The following PPP2R5E variants were observed in gnomAD, a reference collection of about 807,000 sequenced individuals.
PPP2R5E encodes the protein serine/threonine-protein phosphatase 2A 56 kDa regulatory subunit epsilon isoform.
In PPP2R5E, 4 loss-of-function variants were observed where a neutral mutation model predicts 65.3. The observed-to-expected ratio is 0.06, with a 90% CI of 0.03 to 0.14. The LOEUF (loss-of-function observed/expected upper bound fraction) is 0.14, where lower values mean the gene tolerates loss of function less well. Ranked by LOEUF, PPP2R5E falls within the 10% of genes least tolerant of loss-of-function variation. The pLI is 1.00. For synonymous variants in PPP2R5E, 183 were observed against 187.4 expected, an observed-to-expected ratio of 0.98 and a Z score of 0.19; for missense variants, 274 against 556.1, an observed-to-expected ratio of 0.49 and a Z score of 5.10.
chr14:63,461,926 T>C (rs1035502939), intron 2 of PPP2R5E, among the ~76,000 whole-genome samples: 3 of 152,082 alleles, frequency 2.0e-5, no homozygotes, highest in African/African-American at 7.3e-5. Context: ...TCTCTTCTTA[T>C]TTTTCACTTT....
Position 63,486,293 on chromosome 14 carries a change from TACAC to T in PPP2R5E, c.158-32412_158-32409del, listed in dbSNP as rs374427574. On this transcript the variant is annotated intron_variant, in intron 2 of 13. Coordinates refer to ENST00000337537, the MANE Select transcript of PPP2R5E (RefSeq NM_006246.5). The stretch of plus-strand genomic sequence containing the variant: ...ACCCCACCCATCTTTCTTTCCCCAT[TACAC>T]ACACACACACACACACACACACACA... Among the ~76,000 whole-genome samples the T allele has an allele frequency of 3.5e-3, 451 of 128,002 alleles. 1 individual carries two copies. Among genetic ancestry groups the T allele is most frequent in the Non-Finnish European group, 5.0e-3 (311 of 61,642 alleles). 84.0% of individuals were successfully genotyped at this position (128,002 alleles called of 152,430 possible).
Position 63,467,238 on chromosome 14 carries a change from AC to A in PPP2R5E, c.158-13354del, listed in dbSNP as rs57218910. ...ACTCCGTCTCAAAAAAAACAAACAAACAAACAAAAAAAACACTATTTACAAC... is the reference window on the plus strand; with the variant it reads ...ACTCCGTCTCAAAAAAAACAAACAAAAAACAAAAAAAACACTATTTACAAC... On this transcript the variant is annotated intron_variant, in intron 2 of 13. Coordinates refer to ENST00000337537, the MANE Select transcript of PPP2R5E (RefSeq NM_006246.5). 4.4e-4 allele frequency among the ~76,000 whole-genome samples: 58 copies of A among 132,152 alleles called. 6 individuals carry two copies. The highest frequency in any genetic ancestry group is 1.2e-3 in the African/African-American group (32 of 26,308). The allele number at this position is 132,152 out of a possible 152,430, so 86.7% of individuals were successfully genotyped here. A position where few individuals can be genotyped will look rare whatever the true frequency, so the allele number is the denominator to read the frequency against.
chr14:63,468,109 G>A (rs1475256631), intron 2 of PPP2R5E, among the ~76,000 whole-genome samples: 2 of 152,216 alleles, frequency 1.3e-5, no homozygotes, highest in Non-Finnish European at 2.9e-5. Context: ...TAATGTTGTT[G>A]TTAAAAAGCA....
At chr14:63,516,050 C>T (rs955154640) in intron 2 of PPP2R5E, among the ~76,000 whole-genome samples, 2 of 151,832 alleles carry the variant, frequency 1.3e-5, no homozygotes, top group African/African-American at 4.8e-5. Flanking sequence ...GGGCTTTCAC[C>T]ATGTTAGCCA....
intron 2 of PPP2R5E, among the ~76,000 whole-genome samples, chr14:63,486,293 TACACACACACACACACACACAC>T (rs374427574): frequency 2.2e-4 from 28 of 128,050 alleles, no homozygotes; most frequent in African/African-American, 8.8e-4. Context: ...CTTTCCCCAT[TACACACACACACACACACACAC>T]ACACACACAC....
At chr14:63,502,251 C>T (rs969277681) in intron 2 of PPP2R5E, among the ~76,000 whole-genome samples, 18 of 152,250 alleles carry the variant, frequency 1.2e-4, no homozygotes, top group Admixed American at 3.9e-4. Flanking sequence ...GGGCACCAGA[C>T]TTAGAGGCAG....
chr14:63,522,421 G>C (rs1272217214), intron 2 of PPP2R5E, among the ~76,000 whole-genome samples: 44 of 148,716 alleles, frequency 3.0e-4, no homozygotes, highest in Admixed American at 7.3e-4. Context: ...TGGGACGTGA[G>C]GAGCCCCTCT....
intron 2 of PPP2R5E, among the ~76,000 whole-genome samples, chr14:63,535,153 A>C (rs556390045): frequency 6.6e-6 from 1 of 152,104 alleles, no homozygotes; most frequent in South Asian, 2.1e-4. Flanking sequence ...GGCTGGGCGC[A>C]GTGACTGACG....
chr14:63,462,736 A>C (rs1431573714), intron 2 of PPP2R5E, among the ~76,000 whole-genome samples: 1 of 152,174 alleles, frequency 6.6e-6, no homozygotes, highest in Non-Finnish European at 1.5e-5. Context: ...GCTTGATATA[A>C]TGTATTTAAT....
intron 2 of PPP2R5E, among the ~76,000 whole-genome samples, chr14:63,498,436 A>G (rs889809252): frequency 2.0e-5 from 3 of 151,902 alleles, no homozygotes; most frequent in African/African-American, 7.2e-5. Flanking sequence ...TTAGAAAAGG[A>G]TGTTTTTCAA....
chr14:63,462,801 T>C (rs61652131), intron 2 of PPP2R5E, among the ~76,000 whole-genome samples: 5,458 of 152,224 alleles, frequency 0.036, 340 homozygotes, highest in African/African-American at 0.12. Flanking sequence ...ATGCAAATTT[T>C]AAAAGTAAGA....
intron 5 of PPP2R5E, among the ~76,000 whole-genome samples, chr14:63,410,628 C>T (rs1886342482): frequency 6.6e-6 from 1 of 152,038 alleles, no homozygotes; most frequent in Non-Finnish European, 1.5e-5. Context: ...TAGAAGGCAC[C>T]GGGAGCGAAG....
At chr14:63,452,437 C>T (rs1888898004) in intron 3 of PPP2R5E, 1 of 152,196 alleles carries the variant, frequency 6.6e-6, no homozygotes, top group African/African-American at 2.4e-5. Context: ...TGGCCTCTCC[C>T]ACTAGATGCT....
intron 2 of PPP2R5E, among the ~76,000 whole-genome samples, chr14:63,458,689 A>T (rs1447428177): frequency 6.6e-6 from 1 of 152,228 alleles, no homozygotes; most frequent in Non-Finnish European, 1.5e-5. Context: ...GTATGTGGAA[A>T]TAGAGTGAAT....
chr14:63,393,524 C>T (rs1395179302), intron 8 of PPP2R5E, among the ~76,000 whole-genome samples: 2 of 151,998 alleles, frequency 1.3e-5, no homozygotes, highest in Non-Finnish European at 2.9e-5. Flanking sequence ...CCATCTTGGC[C>T]AACATGGTAA....
chr14:63,401,547 A>G (rs764328214), intron 5 of PPP2R5E, among the ~76,000 whole-genome samples: 9 of 152,204 alleles, frequency 5.9e-5, no homozygotes, highest in Non-Finnish European at 1.0e-4. Context: ...TAGCCAAATA[A>G]CCTTTCTTTG....
chr14:63,520,096 C>T (rs1194795481), intron 2 of PPP2R5E, among the ~76,000 whole-genome samples: 1 of 152,116 alleles, frequency 6.6e-6, no homozygotes, highest in East Asian at 1.9e-4. Context: ...AGTGCAGTGG[C>T]GCAATCTCAG....
At chr14:63,403,383 G>A in intron 5 of PPP2R5E, among the ~76,000 whole-genome samples, 1 of 101,824 alleles carries the variant, frequency 9.8e-6, no homozygotes, top group Non-Finnish European at 1.7e-5. Context: ...GCGAGAGTCT[G>A]TCTCAAAAAA....
In PPP2R5E at chr14:63,522,473, G is replaced by A. The variant is rs367960099; in HGVS notation, c.157+17056C>T. On this transcript the variant is annotated intron_variant, in intron 2 of 13. Transcript: ENST00000337537. ...TGGAAAGTGAGGAGCGTCTCTGCCCGGCCGCCATCCCATCTAGGAAGTGAG... is the reference window on the plus strand; with the variant it reads ...TGGAAAGTGAGGAGCGTCTCTGCCCAGCCGCCATCCCATCTAGGAAGTGAG... Among the ~76,000 whole-genome samples, 1,002 of 150,864 alleles carry A rather than the reference G, an allele frequency of 6.6e-3. 58 individuals are homozygous for A. In the East Asian group the frequency reaches 0.14, roughly 21 times the overall value.
Sources: gnomAD v4.1 joint callset for allele counts (sites outside exome capture counted in the v4.1 genomes callset) on GRCh38, gnomAD v4.1.1 for gene constraint, MANE v1.5 for transcripts, NCBI Gene and HGNC (gene_info 2026-07-23, HGNC 2026-07-21) for gene names.